The following PKD1L3 variants were observed in gnomAD, a reference collection of about 807,000 sequenced individuals.
PKD1L3 encodes polycystin-1-like protein 3.
PKD1L3 carries 239 observed loss-of-function variants against 184.1 expected under a neutral mutation model. The ratio of observed to expected loss-of-function variants is 1.30; its 90% CI spans 1.17 to 1.45. PKD1L3 has a LOEUF of 1.45. Among genes scored for constraint, PKD1L3 ranks in the 40% most tolerant of loss-of-function variants. The pLI, the probability that PKD1L3 is intolerant of heterozygous loss-of-function variation, is 0.00. For synonymous variants in PKD1L3, 996 were observed against 778.8 expected (o/e 1.28, Z -4.64); for missense variants, 2,660 against 2,067.2 (o/e 1.29, Z -5.56).
Position 71,979,176 on chromosome 16 carries a change from G to C in PKD1L3, c.1398+610C>G, listed in dbSNP as rs145264785. Among the ~76,000 whole-genome samples the C allele has an allele frequency of 7.3e-3, 1,110 of 152,270 alleles. 16 individuals carry two copies. Among genetic ancestry groups the C allele is most frequent in the African/African-American group, 0.025 (1,027 of 41,554 alleles). On this transcript the variant is annotated intron_variant, in intron 9 of 29. Transcript: ENST00000620267. ...AATAGTGCAGAGGCTGGGCATGGTGGCTCACACCTGTAATCCCAGCACTAC... is the reference window on the plus strand; with the variant it reads ...AATAGTGCAGAGGCTGGGCATGGTGCCTCACACCTGTAATCCCAGCACTAC...
Position 71,979,836 on chromosome 16 carries a change from C to G in PKD1L3, c.1348G>C (p.Ala450Pro), listed in dbSNP as rs199752667. 1 of 1,518,152 alleles carries G rather than the reference C, an allele frequency of 6.6e-7. No homozygotes were observed. The highest frequency in any genetic ancestry group is 2.6e-5 in the Admixed American group (1 of 37,868). The allele number at this position is 1,518,152 out of a possible 1,614,324, so 94.0% of individuals were successfully genotyped here. ...PAPVRLGFPS[A>P]LALKELLNKH... ...TTCAAGAGCTCCTTCAAAGCTAAAG[C>G]CGACGGAAAGCCTAGCCTCACAGGG... Residue 450 changes from alanine (A) to proline (P), a missense_variant, in exon 9 of 30, where the codon GCT (alanine) becomes CCT (proline). Physicochemically the swap from Ala to Pro is conservative, Grantham distance 27. Transcript: ENST00000620267.
intron 25 of PKD1L3, 113 bp downstream of exon 25, chr16:71,937,179 C>A (rs1202658559): frequency 1.2e-5 from 13 of 1,094,510 alleles, no homozygotes; most frequent in Non-Finnish European, 1.7e-5. Flanking sequence ...TCTCAGCCTC[C>A]CGAGTAGCTG....
Position 71,978,400 on chromosome 16 carries a change from G to A in PKD1L3, c.1399-17C>T. ...TCCTGTTATCTAAAGACAAAGAGAA[G>A]CCCAGTTTTATCCATTGCTGAAATA... On this transcript the variant is annotated splice_polypyrimidine_tract_variant and intron_variant, in intron 9 of 29. Coordinates refer to ENST00000620267, the MANE Select transcript of PKD1L3 (RefSeq NM_181536.2). The A allele has an allele frequency of 6.5e-7, 1 of 1,541,078 alleles. No homozygotes were observed.
chr16:71,971,321 T>C (rs1482639910), intron 12 of PKD1L3, among the ~76,000 whole-genome samples: 23 of 152,250 alleles, frequency 1.5e-4, no homozygotes, highest in Admixed American at 1.5e-3. Flanking sequence ...CATTTCTGCA[T>C]AATATTTAAA....
Position 71,951,572 on chromosome 16 carries a change from C to T in PKD1L3, c.3182G>A (p.Trp1061Ter). 3 of 1,550,062 alleles carry T rather than the reference C, an allele frequency of 1.9e-6. No homozygotes were observed. Among genetic ancestry groups the T allele is most frequent in the Non-Finnish European group, 1.7e-6 (2 of 1,146,438 alleles). ...QGCHQQGERH[W>*]ARVVPENHHH... Reference sequence around the variant, plus strand: ...AATCTACTGAAGTTTACCACGTGCCCAGTGGCGCTCTCCCTGCTGATGACA... The same window carrying T: ...AATCTACTGAAGTTTACCACGTGCCTAGTGGCGCTCTCCCTGCTGATGACA... The change falls in exon 19 of 30, where the codon TGG becomes TAG. Residue 1061 changes from tryptophan (W) to a stop codon, truncating the protein, a stop_gained. Transcript: ENST00000620267. LOFTEE classifies it high-confidence loss of function.
At position 71,930,149 on chromosome 16, in the gene PKD1L3, A is replaced by ACTGGT. The variant is rs1470814910; in HGVS notation, c.4960_4961insACCAG (p.Leu1654HisfsTer3). On this transcript the variant is annotated frameshift_variant, in exon 29 of 30. Transcript: ENST00000620267. LOFTEE classifies it high-confidence loss of function. Reference sequence around the variant, plus strand: ...CATCAAGATGACACTGGTGAGGATCAGAAAGGTGCCCAGGACTGGGTCTAA... The same window carrying ACTGGT: ...CATCAAGATGACACTGGTGAGGATCACTGGTGAAAGGTGCCCAGGACTGGGTCTAA... 6.4e-7 allele frequency: 1 copy of ACTGGT among 1,551,380 alleles called. No homozygotes were observed. The highest frequency in any genetic ancestry group is 1.4e-5 in the African/African-American group (1 of 73,052).
At position 71,988,649 on chromosome 16, in the gene PKD1L3, A is replaced by G. The variant is rs562277177; in HGVS notation, c.585+1631T>C. Among the ~76,000 whole-genome samples, 662 of 152,296 alleles carry G rather than the reference A, an allele frequency of 4.3e-3. 2 individuals are homozygous for G. Among genetic ancestry groups the G allele is most frequent in the Non-Finnish European group, 7.2e-3 (489 of 68,018 alleles). On this transcript the variant is annotated intron_variant, in intron 4 of 29. Coordinates refer to ENST00000620267, the MANE Select transcript of PKD1L3 (RefSeq NM_181536.2). The stretch of plus-strand genomic sequence containing the variant: ...GTCTTCTCTTCCAGCAACATATTAT[A>G]GGGGTGGCAAAACTCCACCTCCATT...
At position 71,991,340 on chromosome 16, in the gene PKD1L3, G is replaced by A. The variant is rs2040582719; in HGVS notation, c.536-1011C>T. The A allele has an allele frequency of 1.4e-5, 3 of 212,074 alleles. No homozygotes were observed. In the South Asian group the frequency reaches 2.9e-4, roughly 21 times the overall value. The allele number at this position is 212,074 out of a possible 1,614,324, so 13.1% of individuals were successfully genotyped here. The stretch of plus-strand genomic sequence containing the variant: ...CCGAGTCAACCACACCCACCATGAT[G>A]ATGGAGAAAGGTAGAGGTAACCAAA... On this transcript the variant is annotated intron_variant, in intron 3 of 29. Coordinates refer to ENST00000620267, the MANE Select transcript of PKD1L3 (RefSeq NM_181536.2).
chr16:71,992,210 A>G (rs760385139), intron 3 of PKD1L3, among the ~76,000 whole-genome samples: 2 of 152,206 alleles, frequency 1.3e-5, no homozygotes, highest in African/African-American at 4.8e-5. Flanking sequence ...ACGTACATAA[A>G]TATTAGGCAT....
At chr16:71,964,872 G>C (rs540989581) in intron 15 of PKD1L3, among the ~76,000 whole-genome samples, 79 of 147,486 alleles carry the variant, frequency 5.4e-4, no homozygotes, top group Non-Finnish European at 2.4e-4. Flanking sequence ...TTTGAGGCAG[G>C]ATCTTGCTCT....
At chr16:71,945,442 G>A (rs2038566175) in intron 22 of PKD1L3, among the ~76,000 whole-genome samples, 1 of 147,578 alleles carries the variant, frequency 6.8e-6, no homozygotes, top group Admixed American at 6.9e-5. Flanking sequence ...GTATTGGGAG[G>A]CCAAGGAGGA....
At chr16:71,965,336 G>C (rs1470804917) in intron 15 of PKD1L3, among the ~76,000 whole-genome samples, 1 of 152,166 alleles carries the variant, frequency 6.6e-6, no homozygotes, top group African/African-American at 2.4e-5. Context: ...AAGCTGCTAT[G>C]AATATATGTG....
At chr16:71,964,307 ATCTTTTTTTTTTTTTTTTTTTTTTTTT>A (rs2039406436) in intron 15 of PKD1L3, among the ~76,000 whole-genome samples, 2 of 107,820 alleles carry the variant, frequency 1.9e-5, no homozygotes, top group Admixed American at 1.1e-4. Context: ...TCTCGTCAAA[ATCTTTTTTTTTTTTTTTTTTTTTTTTT>A]TTTTTTTTTT....
At chr16:71,932,729 C>T (rs2038022393) in intron 28 of PKD1L3, among the ~76,000 whole-genome samples, 1 of 145,146 alleles carries the variant, frequency 6.9e-6, no homozygotes, top group Non-Finnish European at 1.5e-5. Flanking sequence ...GATCCGCTGG[C>T]TTCGGCTTCC....
chr16:71,980,210 G>A (rs2040096505), intron 7 of PKD1L3, 76 bp from the exon 8 acceptor site: 5 of 1,473,324 alleles, frequency 3.4e-6, no homozygotes, highest in Non-Finnish European at 4.6e-6. Flanking sequence ...TTTTGGAGAA[G>A]ATTGGAAGGG....
intron 16 of PKD1L3, among the ~76,000 whole-genome samples, chr16:71,962,115 G>A (rs1196339873): frequency 6.6e-6 from 1 of 152,112 alleles, no homozygotes. Flanking sequence ...GTAGAGATGG[G>A]GTTTTGCTAT....
At chr16:71,987,730 C>A (rs1268632731) in intron 4 of PKD1L3, among the ~76,000 whole-genome samples, 1 of 152,108 alleles carries the variant, frequency 6.6e-6, no homozygotes, top group Non-Finnish European at 1.5e-5. Context: ...GTCTTGAACT[C>A]CTAGCTTAAG....
At chr16:71,968,529 G>T (rs1410633805) in intron 13 of PKD1L3, among the ~76,000 whole-genome samples, 1 of 152,166 alleles carries the variant, frequency 6.6e-6, no homozygotes, top group Non-Finnish European at 1.5e-5. Context: ...CAAACACATG[G>T]AAAGAAGAGG....
chr16:71,984,005 CCTT>C lies in PKD1L3; in HGVS notation c.966+28_966+30del, dbSNP rs549538990. 78 of 1,550,034 alleles carry C rather than the reference CCTT, an allele frequency of 5.0e-5. No individual in the cohort carries two copies. In the South Asian group the frequency reaches 8.7e-4, roughly 17 times the overall value. On this transcript the variant is annotated intron_variant, in intron 6 of 29. Coordinates refer to ENST00000620267, the MANE Select transcript of PKD1L3 (RefSeq NM_181536.2). Reference sequence around the variant, plus strand: ...GTTTTCCGCTTTTCCCTCTCTCCTACCTTCTTCCCTCCCAGTCACCCTCCACTT... The same window carrying C: ...GTTTTCCGCTTTTCCCTCTCTCCTACCTTCCCTCCCAGTCACCCTCCACTT...
Sources: gnomAD v4.1 joint callset for allele counts (sites outside exome capture counted in the v4.1 genomes callset) on GRCh38, gnomAD v4.1.1 for gene constraint, MANE v1.5 for transcripts, NCBI Gene and HGNC (gene_info 2026-07-23, HGNC 2026-07-21) for gene names.